HOMER2: variants seen among roughly 807,000 people sequenced by gnomAD.
HOMER2 encodes homer scaffold protein 2.
In HOMER2, 27 loss-of-function variants were observed where a neutral mutation model predicts 47.0. That is an observed-to-expected ratio of 0.57 (90% CI 0.42 to 0.79). HOMER2 has a LOEUF of 0.79. Ranked by LOEUF, HOMER2 falls within the 30% of genes least tolerant of loss-of-function variation. The probability of loss-of-function intolerance (pLI) is 0.00; values close to 1 mark genes in which losing one functional copy is unlikely to be tolerated. For synonymous variants in HOMER2, 161 were observed against 163.8 expected (o/e 0.98, Z 0.13); for missense variants, 443 against 435.0 (o/e 1.02, Z -0.16).
chr15:82,896,608 G>A (rs910339996), intron 1 of HOMER2, among the ~76,000 whole-genome samples: 1 of 152,204 alleles, frequency 6.6e-6, no homozygotes, highest in Non-Finnish European at 1.5e-5. Flanking sequence ...CCTGGGAGGG[G>A]TACTGCAGGG....
chr15:82,870,089 C>T (rs1254067583), intron 3 of HOMER2, among the ~76,000 whole-genome samples: 1 of 151,948 alleles, frequency 6.6e-6, no homozygotes, highest in Non-Finnish European at 1.5e-5. Flanking sequence ...AAAATGAAAC[C>T]ATTACTGTTT....
At chr15:82,869,104 G>A (rs943648109) in intron 3 of HOMER2, among the ~76,000 whole-genome samples, 13 of 152,288 alleles carry the variant, frequency 8.5e-5, no homozygotes, top group African/African-American at 3.1e-4. Context: ...TCGACACACT[G>A]CCTACAGGGT....
intron 1 of HOMER2, among the ~76,000 whole-genome samples, chr15:82,975,952 A>G (rs1258308998): frequency 6.6e-6 from 1 of 152,204 alleles, no homozygotes; most frequent in Admixed American, 6.5e-5. Flanking sequence ...GCCGGTATCA[A>G]AGCATCTCCT....
intron 1 of HOMER2, among the ~76,000 whole-genome samples, chr15:82,940,395 T>C (rs979929828): frequency 7.9e-5 from 12 of 152,090 alleles, no homozygotes; most frequent in African/African-American, 2.7e-4. Flanking sequence ...GCTCAGGAGA[T>C]CAAGACCAGC....
At chr15:82,963,705 A>G (rs1372091100) in intron 1 of HOMER2, among the ~76,000 whole-genome samples, 1 of 152,198 alleles carries the variant, frequency 6.6e-6, no homozygotes, top group Admixed American at 6.5e-5. Flanking sequence ...ATTAGCAAAG[A>G]GGGGCTGACC....
At chr15:82,878,185 A>C (rs978223163) in intron 2 of HOMER2, among the ~76,000 whole-genome samples, 1 of 152,218 alleles carries the variant, frequency 6.6e-6, no homozygotes, top group African/African-American at 2.4e-5. Context: ...CTTGAAAGGC[A>C]GTGGAAAGAG....
exon 2 of HOMER2, chr15:82,843,489 C>A: frequency 9.8e-6 from 1 of 101,804 alleles, no homozygotes. Flanking sequence ...GAAAGACCTG[C>A]ATAAGCATGA....
chr15:82,929,305 A>G (rs2151191488), intron 1 of HOMER2, among the ~76,000 whole-genome samples: 2 of 152,256 alleles, frequency 1.3e-5, no homozygotes, highest in Middle Eastern at 6.8e-3. Flanking sequence ...AAGCTGGGAG[A>G]TAGATGGATG....
At chr15:82,869,833 G>A (rs1315805702) in intron 3 of HOMER2, among the ~76,000 whole-genome samples, 1 of 152,134 alleles carries the variant, frequency 6.6e-6, no homozygotes, top group Non-Finnish European at 1.5e-5. Flanking sequence ...AGTACTGGAT[G>A]TTAGGGCTTT....
intron 2 of HOMER2, among the ~76,000 whole-genome samples, chr15:82,890,465 T>C (rs915983398): frequency 1.3e-5 from 2 of 152,176 alleles, no homozygotes; most frequent in Non-Finnish European, 2.9e-5. Flanking sequence ...TCCCAGCCTG[T>C]AAGTGAGTCT....
At chr15:82,840,884 C>G (rs1414377866) in exon 2 of HOMER2, 1 of 151,022 alleles carries the variant, frequency 6.6e-6, no homozygotes, top group African/African-American at 2.4e-5. Context: ...GTTATAAAAA[C>G]TTCAAAGAGC....
intron 1 of HOMER2, chr15:82,985,493 A>G (rs1474425605): frequency 6.6e-6 from 1 of 152,236 alleles, no homozygotes; most frequent in East Asian, 1.9e-4. Flanking sequence ...GGTACAATCG[A>G]CAGGACTTGG....
At chr15:82,889,222 AAC>A (rs1381777144) in intron 2 of HOMER2, among the ~76,000 whole-genome samples, 3 of 152,192 alleles carry the variant, frequency 2.0e-5, no homozygotes, top group Non-Finnish European at 4.4e-5. Flanking sequence ...AAAGGCCTAA[AAC>A]AAAGTGGGGC....
intron 1 of HOMER2, among the ~76,000 whole-genome samples, chr15:82,899,196 G>C (rs17158165): frequency 0.017 from 2,612 of 152,318 alleles, 42 homozygotes; most frequent in East Asian, 0.093. Flanking sequence ...TAGAACTTCT[G>C]AATCATCTGT....
intron 1 of HOMER2, among the ~76,000 whole-genome samples, chr15:82,966,674 C>T (rs1281745156): frequency 1.3e-5 from 2 of 152,196 alleles, no homozygotes; most frequent in Non-Finnish European, 2.9e-5. Flanking sequence ...GCAGGGTTAA[C>T]CTGGGACCTC....
intron 2 of HOMER2, among the ~76,000 whole-genome samples, chr15:82,890,757 A>C (rs979832148): frequency 2.0e-5 from 3 of 152,238 alleles, no homozygotes; most frequent in Non-Finnish European, 4.4e-5. Context: ...CTCAACTGAC[A>C]AAAGTACAAA....
intron 1 of HOMER2, among the ~76,000 whole-genome samples, chr15:82,908,641 T>C (rs1338983509): frequency 6.6e-6 from 1 of 152,198 alleles, no homozygotes; most frequent in Non-Finnish European, 1.5e-5. Flanking sequence ...TAGGGTGGAA[T>C]TCTCTGAATC....
chr15:82,916,483 A>C (rs2053591982), intron 1 of HOMER2, among the ~76,000 whole-genome samples: 2 of 152,114 alleles, frequency 1.3e-5, no homozygotes. Context: ...AGGATTGAGA[A>C]TAGGTCTATT....
At chr15:82,843,736 A>G (rs1211680157) in exon 2 of HOMER2, 19 of 152,144 alleles carry the variant, frequency 1.2e-4, no homozygotes, top group Non-Finnish European at 4.4e-5. Context: ...GGGTAACTCC[A>G]GTGTTAAAGA....
Sources: allele counts gnomAD v4.1 joint callset (sites outside exome capture counted in the v4.1 genomes callset), GRCh38; gene constraint gnomAD v4.1.1; transcripts MANE v1.5; gene names NCBI Gene and HGNC (gene_info 2026-07-23, HGNC 2026-07-21).